The following PTPRD variants were observed in gnomAD, a reference collection of about 807,000 sequenced individuals.
PTPRD encodes the protein protein tyrosine phosphatase receptor type D, also known as receptor-type tyrosine-protein phosphatase delta.
In PTPRD, 34 loss-of-function variants were observed where a neutral mutation model predicts 214.5. The ratio of observed to expected loss-of-function variants is 0.16; its 90% CI spans 0.12 to 0.21. The LOEUF (loss-of-function observed/expected upper bound fraction) is 0.21. Among genes scored for constraint, PTPRD ranks in the 10% least tolerant of loss-of-function variants. PTPRD has a pLI of 1.00. For missense variants in PTPRD, 2,545 were observed against 2,398.7 expected, an observed-to-expected ratio of 1.06 and a Z score of -1.27; for synonymous variants, 1,128 against 845.7, an observed-to-expected ratio of 1.33 and a Z score of -5.79.
chr9:8,908,389 T>C (rs1314447782), intron 11 of PTPRD, among the ~76,000 whole-genome samples: 1 of 152,106 alleles, frequency 6.6e-6, no homozygotes, highest in Non-Finnish European at 1.5e-5. Context: ...ATTGAAACCA[T>C]TCAAAGTATG....
intron 10 of PTPRD, among the ~76,000 whole-genome samples, chr9:9,151,246 G>C (rs528599369): frequency 1.2e-4 from 18 of 152,106 alleles, no homozygotes; most frequent in African/African-American, 4.3e-4. Context: ...GGCATCTCCT[G>C]CTCCTACTGT....
At chr9:9,980,655 G>A (rs2095514735) in intron 4 of PTPRD, among the ~76,000 whole-genome samples, 1 of 106,874 alleles carries the variant, frequency 9.4e-6, no homozygotes, top group Admixed American at 9.5e-5. Flanking sequence ...AACCCTTTAT[G>A]GATCAAAATT....
chr9:9,319,270 C>T (rs1052502797), intron 9 of PTPRD, among the ~76,000 whole-genome samples: 8 of 152,064 alleles, frequency 5.3e-5, no homozygotes, highest in Admixed American at 3.3e-4. Context: ...TTGCTAAATT[C>T]CAGTGTTTGG....
chr9:9,856,844 T>C (rs1317756174), intron 5 of PTPRD, among the ~76,000 whole-genome samples: 1 of 151,996 alleles, frequency 6.6e-6, no homozygotes, highest in Non-Finnish European at 1.5e-5. Context: ...TATTGATAAG[T>C]GAGCTGAGAA....
chr9:8,953,116 T>C (rs895591676), intron 11 of PTPRD, among the ~76,000 whole-genome samples: 2 of 151,922 alleles, frequency 1.3e-5, no homozygotes, highest in Admixed American at 6.6e-5. Context: ...CTGTAGGAGA[T>C]GTGCAGGATG....
intron 11 of PTPRD, among the ~76,000 whole-genome samples, chr9:8,878,728 G>A (rs1293522842): frequency 6.6e-6 from 1 of 152,042 alleles, no homozygotes; most frequent in Non-Finnish European, 1.5e-5. Flanking sequence ...GAAGAGACGA[G>A]GTCTTGCCCT....
chr9:9,240,595 T>A (rs2099969863), intron 9 of PTPRD, among the ~76,000 whole-genome samples: 1 of 152,082 alleles, frequency 6.6e-6, no homozygotes, highest in African/African-American at 2.4e-5. Context: ...TGCTTGATAT[T>A]TTATACAAAG....
At chr9:9,379,233 T>C (rs929138379) in intron 9 of PTPRD, among the ~76,000 whole-genome samples, 1 of 145,882 alleles carries the variant, frequency 6.9e-6, no homozygotes, top group African/African-American at 2.5e-5. Context: ...ATATATTTTA[T>C]ATATATATAT....
At chr9:9,068,236 T>A (rs1362677837) in intron 10 of PTPRD, among the ~76,000 whole-genome samples, 4 of 152,202 alleles carry the variant, frequency 2.6e-5, no homozygotes, top group African/African-American at 4.8e-5. Flanking sequence ...CAGTTTTTTA[T>A]CCATTTACCC....
chr9:9,380,583 C>T (rs2061930904), intron 9 of PTPRD, among the ~76,000 whole-genome samples: 2 of 152,076 alleles, frequency 1.3e-5, no homozygotes, highest in Admixed American at 6.6e-5. Context: ...AGTTTGTTCA[C>T]GTGTGTTTCA....
intron 3 of PTPRD, among the ~76,000 whole-genome samples, chr9:10,165,621 A>G (rs181961919): frequency 1.6e-4 from 24 of 151,942 alleles, no homozygotes; most frequent in Admixed American, 1.4e-3. Context: ...ATGCTTTCAA[A>G]TTAAGAATAA....
chr9:8,512,133 T>C (rs1998517), intron 21 of PTPRD, among the ~76,000 whole-genome samples: 57,065 of 151,910 alleles, frequency 0.38, 10,939 homozygotes, highest in East Asian at 0.46. Flanking sequence ...CAGTATTTTA[T>C]TAAGGTACAT....
At chr9:9,935,151 T>A (rs2088676550) in intron 5 of PTPRD, among the ~76,000 whole-genome samples, 1 of 152,060 alleles carries the variant, frequency 6.6e-6, no homozygotes, top group African/African-American at 2.4e-5. Context: ...AGCATTCCCT[T>A]TGAAAACTGG....
chr9:9,195,463 G>A (rs939529520), intron 9 of PTPRD, among the ~76,000 whole-genome samples: 3 of 152,064 alleles, frequency 2.0e-5, no homozygotes, highest in Non-Finnish European at 4.4e-5. Context: ...GTAAGCCAAT[G>A]GGAAGACATT....
chr9:10,441,242 G>T (rs2098756363), intron 2 of PTPRD, among the ~76,000 whole-genome samples: 1 of 151,700 alleles, frequency 6.6e-6, no homozygotes, highest in South Asian at 2.1e-4. Context: ...CACAATAAAA[G>T]CTCATATATT....
chr9:10,178,215 G>A (rs746484037), intron 3 of PTPRD, among the ~76,000 whole-genome samples: 16 of 152,024 alleles, frequency 1.1e-4, no homozygotes, highest in Admixed American at 6.6e-5. Context: ...AGGAAGGATT[G>A]TGCCAATGGA....
At chr9:9,891,182 A>G (rs1445043526) in intron 5 of PTPRD, among the ~76,000 whole-genome samples, 1 of 152,140 alleles carries the variant, frequency 6.6e-6, no homozygotes, top group Non-Finnish European at 1.5e-5. Context: ...AGTTATGTAT[A>G]CATCTCCTGT....
Position 10,284,767 on chromosome 9 carries a change from G to C in PTPRD, c.-545+56196C>G, listed in dbSNP as rs997377035. 2.7e-5 allele frequency among the ~76,000 whole-genome samples: 4 copies of C among 149,446 alleles called. No homozygotes were observed. In the East Asian group the frequency reaches 8.0e-4, roughly 30 times the overall value. On this transcript the variant is annotated intron_variant, in intron 3 of 45. Transcript: ENST00000381196. ...GTACAACTCATGAAACCTTGATTCT[G>C]CAAGGCCAGGAGGAGAGAGAGAGAG...
intron 14 of PTPRD, among the ~76,000 whole-genome samples, chr9:8,589,363 G>C (rs552957170): frequency 5.9e-5 from 9 of 152,222 alleles, no homozygotes; most frequent in African/African-American, 2.2e-4. Context: ...TATGGTTCTC[G>C]TAAGTCCTGG....
Sources: gnomAD v4.1 joint callset for allele counts (sites outside exome capture counted in the v4.1 genomes callset) on GRCh38, gnomAD v4.1.1 for gene constraint, MANE v1.5 for transcripts, NCBI Gene and HGNC (gene_info 2026-07-23, HGNC 2026-07-21) for gene names.